The following DPP6 variants were observed in gnomAD, a reference collection of about 807,000 sequenced individuals.
DPP6 encodes A-type potassium channel modulatory protein DPP6.
In DPP6, 69 loss-of-function variants were observed where a neutral mutation model predicts 122.6. That is an observed-to-expected ratio of 0.56 (90% CI 0.46 to 0.69). The LOEUF is 0.69. Among genes scored for constraint, DPP6 ranks in the 30% least tolerant of loss-of-function variants. DPP6 has a pLI of 0.00. For missense variants in DPP6, 928 were observed against 1,116.9 expected (o/e 0.83, Z 2.41); for synonymous variants, 418 against 433.1 (o/e 0.97, Z 0.43).
chr7:154,684,766 T>C (rs991545105), intron 7 of DPP6, among the ~76,000 whole-genome samples: 1 of 152,206 alleles, frequency 6.6e-6, no homozygotes, highest in African/African-American at 2.4e-5. Context: ...TCCATGGCCA[T>C]ACAAAGTCGT....
intron 5 of DPP6, among the ~76,000 whole-genome samples, chr7:154,589,092 A>G (rs1008516128): frequency 6.6e-6 from 1 of 152,106 alleles, no homozygotes; most frequent in Non-Finnish European, 1.5e-5. Context: ...TCATTTGGAA[A>G]CCTGATCACA....
intron 2 of DPP6, among the ~76,000 whole-genome samples, chr7:154,460,977 A>T (rs1042146416): frequency 6.6e-6 from 1 of 151,916 alleles, no homozygotes; most frequent in African/African-American, 2.4e-5. Context: ...CCCATTAACC[A>T]TCCCCCTCTG....
chr7:154,008,658 CTTTTTTTTTTT>C lies in DPP6; in HGVS notation c.51+120935_51+120945del, dbSNP rs57634994. On this transcript the variant is annotated intron_variant, in intron 1 of 25. Coordinates refer to the DPP6 transcript ENST00000404039. ...AGTAATTAGGAATATTATTTCTTTT[CTTTTTTTTTTT>C]TTTTTTTTTTGAGACGGAGTCTCGC... 3.0e-3 allele frequency among the ~76,000 whole-genome samples: 304 copies of C among 101,474 alleles called. 1 individual carries two copies. The highest frequency in any genetic ancestry group is 0.011 in the African/African-American group (278 of 25,224). The allele number at this position is 101,474 out of a possible 152,430, so 66.6% of individuals were successfully genotyped here.
At chr7:154,191,774 C>A (rs560263344) in intron 1 of DPP6, among the ~76,000 whole-genome samples, 1 of 152,336 alleles carries the variant, frequency 6.6e-6, no homozygotes, top group Non-Finnish European at 1.5e-5. Flanking sequence ...ATCAGGGAAT[C>A]AGGAAAAGAT....
intron 5 of DPP6, among the ~76,000 whole-genome samples, chr7:154,575,224 GGT>G (rs1211385129): frequency 1.6e-5 from 2 of 121,254 alleles, no homozygotes; most frequent in African/African-American, 3.1e-5. Flanking sequence ...TGTGTGGTGT[GGT>G]GTGTGTGTGG....
Position 154,863,747 on chromosome 7 carries a change from C to T in DPP6, c.1715-4248C>T, listed in dbSNP as rs778187206. On this transcript the variant is annotated intron_variant, in intron 17 of 25. Coordinates refer to ENST00000377770, the MANE Select transcript of DPP6 (RefSeq NM_130797.4). The surrounding 1 kb of genome is among the most constrained non-coding windows in gnomAD (Gnocchi z 4.1). ...GGAGGATTGCTTGAGCCCGGGTGTTCGAGGCTGCAGTGAGTTATGATTTCA... is the reference window on the plus strand; with the variant it reads ...GGAGGATTGCTTGAGCCCGGGTGTTTGAGGCTGCAGTGAGTTATGATTTCA... Among the ~76,000 whole-genome samples the T allele has an allele frequency of 3.3e-5, 5 of 151,748 alleles. No individual in the cohort carries two copies. Among genetic ancestry groups the T allele is most frequent in the South Asian group, 2.1e-4 (1 of 4,808 alleles).
intron 5 of DPP6, among the ~76,000 whole-genome samples, chr7:154,596,974 G>A (rs1833130906): frequency 1.3e-5 from 2 of 152,138 alleles, no homozygotes; most frequent in Admixed American, 1.3e-4. Flanking sequence ...CACCCAGGTG[G>A]TTATATAATA....
At chr7:154,742,565 G>A (rs984440494) in intron 8 of DPP6, among the ~76,000 whole-genome samples, 3 of 152,256 alleles carry the variant, frequency 2.0e-5, no homozygotes, top group East Asian at 1.9e-4. Context: ...TTTGTTTTAC[G>A]ACATTTCGGA....
the DPP6 span, among the ~76,000 whole-genome samples, chr7:153,832,029 A>C: frequency 6.6e-6 from 1 of 152,324 alleles, no homozygotes; most frequent in South Asian, 2.1e-4. Context: ...TTAGGAGGCT[A>C]TTCTAAGAGG....
chr7:154,388,524 G>A (rs1188067571), intron 1 of DPP6, among the ~76,000 whole-genome samples: 1 of 152,110 alleles, frequency 6.6e-6, no homozygotes, highest in Non-Finnish European at 1.5e-5. Flanking sequence ...TTTTGATTCA[G>A]ATATAATCCA....
chr7:154,114,346 T>C (rs574635389), intron 1 of DPP6, among the ~76,000 whole-genome samples: 131 of 152,236 alleles, frequency 8.6e-4, no homozygotes, highest in African/African-American at 3.1e-3. Context: ...GGTTTTGTTA[T>C]CTGCAAAAGG....
intron 18 of DPP6, 53 bp downstream of exon 18, chr7:154,868,146 T>C (rs983811493): frequency 6.5e-7 from 1 of 1,549,514 alleles, no homozygotes; most frequent in Non-Finnish European, 8.7e-7. Context: ...AAACGTGGGC[T>C]GTGACACAGT....
intron 6 of DPP6, among the ~76,000 whole-genome samples, chr7:154,650,787 AT>A (rs913737531): frequency 3.3e-5 from 5 of 152,182 alleles, no homozygotes; most frequent in African/African-American, 4.8e-5. Context: ...CAGACTAGAA[AT>A]TAATTCAAAC....
At chr7:154,231,259 AT>A (rs1412262350) in intron 1 of DPP6, among the ~76,000 whole-genome samples, 2 of 152,054 alleles carry the variant, frequency 1.3e-5, no homozygotes, top group Non-Finnish European at 2.9e-5. Flanking sequence ...CATGACTTTG[AT>A]TTGTTGTCTG....
At chr7:154,281,305 G>A (rs191220924) in intron 1 of DPP6, among the ~76,000 whole-genome samples, 6 of 152,148 alleles carry the variant, frequency 3.9e-5, no homozygotes, top group African/African-American at 7.2e-5. Flanking sequence ...AAGCCGCTGC[G>A]CCCAGCCTAA....
At chr7:154,891,519 C>G (rs891682512) in intron 25 of DPP6, among the ~76,000 whole-genome samples, 3 of 152,196 alleles carry the variant, frequency 2.0e-5, no homozygotes, top group Admixed American at 1.3e-4. Context: ...CCTCCACAGT[C>G]ACACAGGGAG....
intron 5 of DPP6, among the ~76,000 whole-genome samples, chr7:154,609,834 A>G (rs1411009231): frequency 1.6e-5 from 2 of 123,962 alleles, no homozygotes; most frequent in African/African-American, 2.6e-5. Context: ...TTAATGTATT[A>G]TAAGTTATAA....
intron 1 of DPP6, among the ~76,000 whole-genome samples, chr7:154,023,009 T>G (rs1399631579): frequency 6.6e-6 from 1 of 152,154 alleles, no homozygotes; most frequent in African/African-American, 2.4e-5. Flanking sequence ...AGGAAGAACC[T>G]TCTACAGCCT....
chr7:154,732,109 G>A (rs1265329393), intron 8 of DPP6, among the ~76,000 whole-genome samples: 2 of 151,892 alleles, frequency 1.3e-5, no homozygotes, highest in Non-Finnish European at 2.9e-5. Flanking sequence ...CGCAATCTCG[G>A]CTCACTGCAA....
Sources: allele counts gnomAD v4.1 joint callset (sites outside exome capture counted in the v4.1 genomes callset), GRCh38; gene constraint gnomAD v4.1.1; non-coding constraint Gnocchi (gnomAD v3.1); transcripts MANE v1.5; gene names NCBI Gene and HGNC (gene_info 2026-07-23, HGNC 2026-07-21).